The following CRISPLD2 variants were observed in gnomAD, a reference collection of about 807,000 sequenced individuals.
CRISPLD2 encodes the protein cysteine rich secretory protein LCCL domain containing 2.
In CRISPLD2, 47 loss-of-function variants were observed where a neutral mutation model predicts 71.1. The ratio of observed to expected loss-of-function variants is 0.66; its 90% confidence interval spans 0.52 to 0.84. The LOEUF (loss-of-function observed/expected upper bound fraction) is 0.84, where lower values mean the gene tolerates loss of function less well. CRISPLD2 is among the 40% of genes least tolerant of loss of function. The probability of loss-of-function intolerance (pLI) is 0.00; values close to 1 mark genes in which losing one functional copy is unlikely to be tolerated. For synonymous variants in CRISPLD2, 317 were observed against 250.1 expected (o/e 1.27, Z -2.52); for missense variants, 830 against 651.1 (o/e 1.27, Z -2.99).
rs530670657 is a variant in CRISPLD2, at chr16:84,841,682, G to A, written c.240+2947G>A. ...GTGATCTCGGCTCACTGCAACCCCCGACCCCTGGGTTCAAGCGATTCTCCT... is the reference window on the plus strand; with the variant it reads ...GTGATCTCGGCTCACTGCAACCCCCAACCCCTGGGTTCAAGCGATTCTCCT... On this transcript the variant is annotated intron_variant, in intron 2 of 14. Coordinates refer to ENST00000262424, the MANE Select transcript of CRISPLD2 (RefSeq NM_031476.4). Among the ~76,000 whole-genome samples the A allele has an allele frequency of 9.2e-5, 14 of 151,554 alleles. No homozygotes were observed. The East Asian group carries it at 1.4e-3, about 15-fold the overall frequency.
chr16:84,845,645 G>T, intron 2 of CRISPLD2, 141 bp from the exon 3 acceptor site: 1 of 664,496 alleles, frequency 1.5e-6, no homozygotes. Context: ...CCCCCTGGCT[G>T]ATTTAGGAAC....
chr16:84,890,436 C>G (rs984781718), intron 14 of CRISPLD2, among the ~76,000 whole-genome samples: 1 of 152,228 alleles, frequency 6.6e-6, no homozygotes, highest in South Asian at 2.1e-4. Flanking sequence ...CCACTCGAGA[C>G]CATACCTTTA....
In CRISPLD2 at chr16:84,906,980, G is replaced by A; in HGVS notation, c.*338G>A. ...GCTATGTGTTCTTCTGTTGGTGGAG[G>A]AAGTTGATTTCAACCTCCCTGCCAA... On this transcript the variant is annotated 3_prime_UTR_variant, in exon 15 of 15. Transcript: ENST00000262424. 6.3e-6 allele frequency: 2 copies of A among 319,256 alleles called. No individual in the cohort carries two copies. The highest frequency in any genetic ancestry group is 1.2e-5 in the Non-Finnish European group (2 of 170,678). The allele number at this position is 319,256 out of a possible 1,614,324, so 19.8% of individuals were successfully genotyped here.
intron 14 of CRISPLD2, among the ~76,000 whole-genome samples, chr16:84,904,699 A>G (rs1480728790): frequency 1.3e-5 from 2 of 152,212 alleles, no homozygotes; most frequent in Non-Finnish European, 2.9e-5. Flanking sequence ...TGCCAGGACC[A>G]TTCAGTGGGC....
intron 1 of CRISPLD2, among the ~76,000 whole-genome samples, chr16:84,825,212 G>A (rs1916322038): frequency 6.6e-6 from 1 of 151,866 alleles, no homozygotes; most frequent in Non-Finnish European, 1.5e-5. Flanking sequence ...GCTGGATCAA[G>A]GTCGGGGAAG....
intron 2 of CRISPLD2, among the ~76,000 whole-genome samples, chr16:84,845,010 A>G (rs186778810): frequency 2.6e-5 from 4 of 152,270 alleles, no homozygotes; most frequent in South Asian, 2.1e-4. Flanking sequence ...CGCCAATCCA[A>G]CGCCACCCGG....
At chr16:84,880,879 A>G (rs2071562698) in intron 13 of CRISPLD2, among the ~76,000 whole-genome samples, 1 of 151,732 alleles carries the variant, frequency 6.6e-6, no homozygotes, top group East Asian at 1.9e-4. Flanking sequence ...TAATTTTTGT[A>G]TTTTCAGTAG....
chr16:84,854,293 G>A (rs1023709962), intron 5 of CRISPLD2, among the ~76,000 whole-genome samples: 4 of 152,182 alleles, frequency 2.6e-5, no homozygotes, highest in African/African-American at 9.6e-5. Flanking sequence ...ACCAGGGATG[G>A]TGTGTGGTAA....
At position 84,907,662 on chromosome 16, in the gene CRISPLD2, C is replaced by G. The variant is rs369113622; in HGVS notation, c.*1020C>G. 1 of 152,224 alleles carries G rather than the reference C, an allele frequency of 6.6e-6. No homozygotes were observed. Among genetic ancestry groups the G allele is most frequent in the Non-Finnish European group, 1.5e-5 (1 of 68,048 alleles). The allele number at this position is 152,224 out of a possible 1,614,324, so 9.4% of individuals were successfully genotyped here. On this transcript the variant is annotated 3_prime_UTR_variant, in exon 15 of 15. Coordinates refer to ENST00000262424, the MANE Select transcript of CRISPLD2 (RefSeq NM_031476.4). ...GACAATTAAATGTGCAGATTCCCCA[C>G]GCACCCGATGACCTATTTTTTCAGC...
intron 13 of CRISPLD2, among the ~76,000 whole-genome samples, chr16:84,888,441 T>TG (rs1179490107): frequency 6.6e-6 from 1 of 152,194 alleles, no homozygotes; most frequent in Non-Finnish European, 1.5e-5. Context: ...GAGGCTGAGG[T>TG]GGGAGGATCC....
At position 84,820,108 on chromosome 16, in the gene CRISPLD2, G is replaced by C. The variant is rs1234758614; in HGVS notation, c.-100G>C. ...TCTGCTGGACGCGGGAGACGCCAGC[G>C]AGCTGGTGATTGGAGCCCTGCGGAG... On this transcript the variant is annotated 5_prime_UTR_variant, in exon 1 of 15. Transcript: ENST00000262424. The C allele has an allele frequency of 6.6e-6, 1 of 152,342 alleles. No homozygotes were observed. The highest frequency in any genetic ancestry group is 6.5e-5 in the Admixed American group (1 of 15,292). 9.4% of individuals were successfully genotyped at this position (152,342 alleles called of 1,614,324 possible).
intron 13 of CRISPLD2, among the ~76,000 whole-genome samples, 178 bp from the exon 14 acceptor site, chr16:84,889,052 G>A (rs541907481): frequency 6.6e-6 from 1 of 152,330 alleles, no homozygotes; most frequent in South Asian, 2.1e-4. Flanking sequence ...AATGCATGAT[G>A]TCCAGTCTCT....
intron 2 of CRISPLD2, among the ~76,000 whole-genome samples, chr16:84,841,090 C>T: frequency 6.6e-6 from 1 of 152,112 alleles, no homozygotes; most frequent in East Asian, 1.9e-4. Context: ...TCCTGGATTC[C>T]CGGAAGAGGC....
chr16:84,887,098 C>T (rs932931924), intron 13 of CRISPLD2, among the ~76,000 whole-genome samples: 15 of 152,196 alleles, frequency 9.9e-5, no homozygotes, highest in African/African-American at 3.6e-4. Flanking sequence ...TTGAAGGAGG[C>T]ACCAGCTTGG....
intron 1 of CRISPLD2, among the ~76,000 whole-genome samples, chr16:84,837,668 C>T (rs1422146081): frequency 2.0e-5 from 3 of 152,178 alleles, no homozygotes; most frequent in Non-Finnish European, 2.9e-5. Flanking sequence ...CCGCCCGCCT[C>T]GGCCTCCCAA....
intron 1 of CRISPLD2, among the ~76,000 whole-genome samples, chr16:84,823,916 G>A (rs545828175): frequency 2.0e-5 from 3 of 152,168 alleles, no homozygotes; most frequent in African/African-American, 7.2e-5. Flanking sequence ...AGGAAAAAAA[G>A]TCATGCTCCC....
At chr16:84,868,235 G>A (rs1040649998) in intron 7 of CRISPLD2, among the ~76,000 whole-genome samples, 1 of 152,214 alleles carries the variant, frequency 6.6e-6, no homozygotes, top group Non-Finnish European at 1.5e-5. Context: ...AACCTGCGGA[G>A]GCCCTTGTCT....
chr16:84,840,738 C>T (rs1722308895), intron 2 of CRISPLD2, among the ~76,000 whole-genome samples: 1 of 152,056 alleles, frequency 6.6e-6, no homozygotes, highest in African/African-American at 2.4e-5. Flanking sequence ...GACGGGATTT[C>T]ACCATGTTGG....
intron 14 of CRISPLD2, among the ~76,000 whole-genome samples, chr16:84,901,618 T>C (rs1403796346): frequency 6.5e-4 from 88 of 135,616 alleles, no homozygotes; most frequent in Middle Eastern, 5.1e-3. Flanking sequence ...ATTACAGGCA[T>C]CTGCCACCAT....
Sources: gnomAD v4.1 joint callset for allele counts (sites outside exome capture counted in the v4.1 genomes callset) on GRCh38, gnomAD v4.1.1 for gene constraint, MANE v1.5 for transcripts, NCBI Gene and HGNC (gene_info 2026-07-23, HGNC 2026-07-21) for gene names.